Variants in CILK1 observed in about 807,000 individuals in gnomAD.
The protein encoded by CILK1 is ciliogenesis associated kinase 1, also known as serine/threonine-protein kinase ICK.
In CILK1, 47 loss-of-function variants were observed where a neutral mutation model predicts 79.2. The ratio of observed to expected loss-of-function variants is 0.59; its 90% confidence interval spans 0.47 to 0.76. The LOEUF is 0.76. CILK1 is among the 30% of genes least tolerant of loss of function. The pLI, the probability that CILK1 is intolerant of heterozygous loss-of-function variation, is 0.00. For missense variants in CILK1, 660 were observed against 769.5 expected (o/e 0.86, Z 1.68); for synonymous variants, 266 against 275.9 (o/e 0.96, Z 0.36).
intron 5 of CILK1, among the ~76,000 whole-genome samples, chr6:53,025,691 ATGAC>A: frequency 6.6e-6 from 1 of 152,344 alleles, no homozygotes; most frequent in East Asian, 1.9e-4. Context: ...GACTATAAAA[ATGAC>A]TGATGAAAAA....
intron 11 of CILK1, among the ~76,000 whole-genome samples, chr6:53,010,721 T>C (rs1255111560): frequency 6.6e-6 from 1 of 152,202 alleles, no homozygotes; most frequent in Non-Finnish European, 1.5e-5. Flanking sequence ...TTCTCATTCT[T>C]TGGGGCCCAG....
intron 3 of CILK1, among the ~76,000 whole-genome samples, chr6:53,034,500 A>G (rs960003505): frequency 6.6e-6 from 1 of 152,154 alleles, no homozygotes; most frequent in Admixed American, 6.5e-5. Flanking sequence ...CAGAGTGGAG[A>G]AGCAGAAGTA....
chr6:53,030,590 TC>T (rs1765876676), intron 5 of CILK1, among the ~76,000 whole-genome samples: 1 of 152,244 alleles, frequency 6.6e-6, no homozygotes, highest in Non-Finnish European at 1.5e-5. Context: ...TGCCTTTGTC[TC>T]TTTTTTTAGT....
chr6:53,045,317 C>G (rs1581752807), intron 1 of CILK1, among the ~76,000 whole-genome samples: 2 of 152,134 alleles, frequency 1.3e-5, no homozygotes, highest in African/African-American at 4.8e-5. Context: ...TCCCCTTTTT[C>G]TTCTTTATCT....
In CILK1 at chr6:53,016,268, T is replaced by C. The variant is rs191311311; in HGVS notation, c.664-18A>G. On this transcript the variant is annotated intron_variant, in intron 7 of 13. Transcript: ENST00000676107. The stretch of plus-strand genomic sequence containing the variant: ...CAGTCAGTCTGAAAGAAGGAAAAGA[T>C]AGAAAATCTTGCTCAGCCAATTGCT... 3.7e-6 allele frequency: 6 copies of C among 1,613,766 alleles called. No individual in the cohort carries two copies. The highest frequency in any genetic ancestry group is 1.3e-5 in the African/African-American group (1 of 75,046).
chr6:53,011,828 G>A lies in CILK1; in HGVS notation c.1433C>T (p.Thr478Met), dbSNP rs776737381. 1.2e-5 allele frequency: 20 copies of A among 1,614,018 alleles called. 2 individuals are homozygous for A. The highest frequency in any genetic ancestry group is 5.5e-5 in the South Asian group (5 of 91,072). Residue 478 changes from threonine to methionine, a missense_variant, in exon 11 of 14, where the codon ACG becomes ATG. Transcript: ENST00000676107. ...CTTGGCTGCAGATCTCAGGGTGGGC[G>A]TGTCTCGCCGCTGATATGACGTCTG... is the stretch of plus-strand genomic sequence containing the variant. ...PTQTSYQRRD[T>M]PTLRSAAKQH... is the part of the protein sequence containing the mutation.
At position 53,016,119 on chromosome 6, in the gene CILK1, A is replaced by T. The variant is rs1764877556; in HGVS notation, c.795T>A (p.Leu265=). 6.2e-7 allele frequency: 1 copy of T among 1,614,130 alleles called. No homozygotes were observed. Among genetic ancestry groups the T allele is most frequent in the Non-Finnish European group, 8.5e-7 (1 of 1,179,958 alleles). The change falls in exon 8 of 14, where the codon CTT becomes CTA. Residue 265 remains leucine, a synonymous_variant. Transcript: ENST00000676107. The stretch of plus-strand genomic sequence containing the variant: ...TTGGTCGTTTCTTGGGATCCCACTG[A>T]AGCATGTCTCTCAGGAGCTGGACTG... ...SEAVQLLRDM[L]QWDPKKRPTA... is the part of the protein sequence containing the mutation.
intron 1 of CILK1, among the ~76,000 whole-genome samples, chr6:53,057,316 C>G (rs892794263): frequency 6.6e-6 from 1 of 152,074 alleles, no homozygotes; most frequent in African/African-American, 2.4e-5. Flanking sequence ...CCTAAAAAAA[C>G]GTGTGGTTCT....
intron 1 of CILK1, among the ~76,000 whole-genome samples, chr6:53,047,670 A>G (rs1039770586): frequency 2.0e-5 from 3 of 151,872 alleles, no homozygotes; most frequent in African/African-American, 7.3e-5. Context: ...AAGCAGAGAA[A>G]CAGCATGAAT....
chr6:53,028,245 G>GTT (rs1169936846), intron 5 of CILK1, among the ~76,000 whole-genome samples: 1 of 152,214 alleles, frequency 6.6e-6, no homozygotes, highest in African/African-American at 2.4e-5. Flanking sequence ...GAACCTGGGA[G>GTT]GCAGAGGTTG....
At chr6:53,035,427 C>T (rs939386394) in intron 3 of CILK1, among the ~76,000 whole-genome samples, 4 of 152,004 alleles carry the variant, frequency 2.6e-5, no homozygotes, top group Non-Finnish European at 4.4e-5. Flanking sequence ...CAAAGGAACA[C>T]GGTAGGCAGA....
chr6:53,016,318 T>A, intron 7 of CILK1, 68 bp from the exon 8 acceptor site: 1 of 1,532,400 alleles, frequency 6.5e-7, no homozygotes, highest in Non-Finnish European at 9.0e-7. Flanking sequence ...TATTCTGGCA[T>A]GTGTGCCCCA....
At chr6:53,026,579 C>T (rs2127431637) in intron 5 of CILK1, among the ~76,000 whole-genome samples, 1 of 152,288 alleles carries the variant, frequency 6.6e-6, no homozygotes, top group East Asian at 1.9e-4. Flanking sequence ...AGACATGGCT[C>T]CATTTTTTGC....
chr6:53,044,980 A>G (rs1766964525), intron 1 of CILK1, among the ~76,000 whole-genome samples: 1 of 152,214 alleles, frequency 6.6e-6, no homozygotes, highest in Admixed American at 6.5e-5. Context: ...GCAGACTAAG[A>G]TAGGATCTAT....
intron 4 of CILK1, among the ~76,000 whole-genome samples, chr6:53,031,934 A>T (rs1161681477): frequency 1.3e-5 from 2 of 152,184 alleles, no homozygotes; most frequent in African/African-American, 4.8e-5. Flanking sequence ...CCCATGTTCA[A>T]GTGATTCTCC....
At chr6:53,014,080 T>C in intron 8 of CILK1, 98 bp from the exon 9 acceptor site, 1 of 965,152 alleles carries the variant, frequency 1.0e-6, no homozygotes, top group South Asian at 1.4e-5. Context: ...AGTTTACTAC[T>C]GTTTCTTAGC....
At chr6:53,028,446 C>T (rs149881016) in intron 5 of CILK1, among the ~76,000 whole-genome samples, 71 of 152,364 alleles carry the variant, frequency 4.7e-4, no homozygotes, top group African/African-American at 1.5e-3. Flanking sequence ...CTCCACTCAA[C>T]CACTTTATTG....
chr6:53,028,280 C>T (rs1765709197), intron 5 of CILK1, among the ~76,000 whole-genome samples: 1 of 152,220 alleles, frequency 6.6e-6, no homozygotes, highest in Non-Finnish European at 1.5e-5. Context: ...TGCGTGACTG[C>T]ACTCCAGCCT....
chr6:53,021,217 C>T (rs1208667544), intron 5 of CILK1, among the ~76,000 whole-genome samples: 11 of 151,300 alleles, frequency 7.3e-5, no homozygotes, highest in Admixed American at 4.6e-4. Flanking sequence ...TCCAGCTACT[C>T]GGGAGGCTGA....
Sources: allele counts gnomAD v4.1 joint callset (sites outside exome capture counted in the v4.1 genomes callset), GRCh38; gene constraint gnomAD v4.1.1; transcripts MANE v1.5; gene names NCBI Gene and HGNC (gene_info 2026-07-23, HGNC 2026-07-21).